The following SUSD3 variants were observed in gnomAD, a reference collection of about 807,000 sequenced individuals.
SUSD3 encodes the protein sushi domain-containing protein 3.
A neutral mutation model predicts 20.6 loss-of-function variants in SUSD3; 18 were observed. That is an observed-to-expected ratio of 0.87 (90% CI 0.60 to 1.30). The LOEUF (loss-of-function observed/expected upper bound fraction) is 1.30. Among genes scored for constraint, SUSD3 ranks in the 50% most tolerant of loss-of-function variants. The pLI is 0.00. For synonymous variants in SUSD3, 137 were observed against 141.5 expected, an observed-to-expected ratio of 0.97 and a Z score of 0.23; for missense variants, 306 against 346.9, an observed-to-expected ratio of 0.88 and a Z score of 0.94.
intron 4 of SUSD3, among the ~76,000 whole-genome samples, chr9:93,080,747 C>T (rs72741066): frequency 0.035 from 5,277 of 152,316 alleles, 124 homozygotes; most frequent in African/African-American, 0.064. Flanking sequence ...GTGGTCTCAG[C>T]GTGCAAGGCT....
intron 2 of SUSD3, among the ~76,000 whole-genome samples, chr9:93,076,612 C>T (rs1412207656): frequency 1.3e-5 from 2 of 152,224 alleles, no homozygotes; most frequent in African/African-American, 4.8e-5. Flanking sequence ...AATAGTTTGG[C>T]AGATTCTGGG....
At chr9:93,066,127 G>C (rs903513319) in intron 1 of SUSD3, among the ~76,000 whole-genome samples, 5 of 152,184 alleles carry the variant, frequency 3.3e-5, no homozygotes, top group African/African-American at 9.7e-5. Flanking sequence ...TCCCCACTCT[G>C]TGTACCGCCC....
chr9:93,077,183 G>A (rs1348802679), intron 2 of SUSD3, among the ~76,000 whole-genome samples: 2 of 152,160 alleles, frequency 1.3e-5, no homozygotes, highest in African/African-American at 4.8e-5. Flanking sequence ...ACTAGTTTTT[G>A]GAGCATAGCT....
In SUSD3 at chr9:93,079,515, C is replaced by T. The variant is rs181899524; in HGVS notation, c.470C>T (p.Thr157Met). 5.6e-5 allele frequency: 91 copies of T among 1,614,094 alleles called. 1 individual carries two copies. In the East Asian group the frequency reaches 1.2e-3, roughly 21 times the overall value. The change falls in exon 4 of 5, where the codon ACG becomes ATG. Residue 157 changes from threonine (T) to methionine (M), a missense_variant. By Grantham distance (81) the Thr-to-Met change is moderately conservative. Transcript: ENST00000375472. ...CAGCTGAAAGATGAGGACTTGGAGA[C>T]GGTGCAGGCCGCATACCTTGGCCTC... The part of the protein sequence containing the change: ...WSQLKDEDLE[T>M]VQAAYLGLKH...
At chr9:93,077,771 C>T (rs187782101) in intron 2 of SUSD3, 75 bp from the exon 3 acceptor site, 2 of 1,572,254 alleles carry the variant, frequency 1.3e-6, no homozygotes, top group East Asian at 2.2e-5. Context: ...CGTACCACCC[C>T]TGAGACCCCC....
intron 1 of SUSD3, among the ~76,000 whole-genome samples, chr9:93,070,129 C>T (rs1825856775): frequency 6.6e-6 from 1 of 152,116 alleles, no homozygotes; most frequent in Non-Finnish European, 1.5e-5. Context: ...TGATTTTTGT[C>T]ATTGGCTTAT....
At chr9:93,065,330 C>A (rs1825664185) in intron 1 of SUSD3, among the ~76,000 whole-genome samples, 1 of 152,192 alleles carries the variant, frequency 6.6e-6, no homozygotes, top group Admixed American at 6.5e-5. Flanking sequence ...TAATGAAGTT[C>A]TAGTTTTATT....
chr9:93,075,755 C>CCCCCCCCCCCCAA, intron 1 of SUSD3, 29 bp from the exon 2 acceptor site: 1 of 474,314 alleles, frequency 2.1e-6, no homozygotes, highest in Non-Finnish European at 3.5e-6. Context: ...CCCCCCCCCG[C>CCCCCCCCCCCCAA]CATGCCTCAT....
At chr9:93,066,899 G>A (rs1318650080) in intron 1 of SUSD3, among the ~76,000 whole-genome samples, 1 of 151,846 alleles carries the variant, frequency 6.6e-6, no homozygotes, top group African/African-American at 2.4e-5. Context: ...GTAGAGATGG[G>A]GTTTCACCGT....
chr9:93,084,474 A>C, intron 4 of SUSD3, 63 bp from the exon 5 acceptor site: 1 of 1,437,094 alleles, frequency 7.0e-7, no homozygotes, highest in Non-Finnish European at 9.3e-7. Flanking sequence ...CTGGGAAGGT[A>C]TGGAGTTGGG....
At chr9:93,074,616 CTTTTTTT>C (rs989411910) in intron 1 of SUSD3, among the ~76,000 whole-genome samples, 2 of 96,352 alleles carry the variant, frequency 2.1e-5, no homozygotes, top group South Asian at 3.7e-4. Flanking sequence ...GCAGCAGATT[CTTTTTTT>C]TTTTTTTTTT....
rs189311743 is a variant in SUSD3, at chr9:93,079,508, T to C, written c.463T>C (p.Leu155=). 1.2e-6 allele frequency: 2 copies of C among 1,614,146 alleles called. No homozygotes were observed. Among genetic ancestry groups the C allele is most frequent in the East Asian group, 2.2e-5 (1 of 44,888 alleles). Residue 155 remains leucine (L), a synonymous_variant, in exon 4 of 5, where the codon TTG becomes CTG. Coordinates refer to ENST00000375472, the MANE Select transcript of SUSD3 (RefSeq NM_145006.4). ...QLWSQLKDED[L]ETVQAAYLGL... Reference sequence around the variant, plus strand: ...GTGGTCCCAGCTGAAAGATGAGGACTTGGAGACGGTGCAGGCCGCATACCT... The same window carrying C: ...GTGGTCCCAGCTGAAAGATGAGGACCTGGAGACGGTGCAGGCCGCATACCT...
intron 2 of SUSD3, 74 bp from the exon 3 acceptor site, chr9:93,077,770 CCT>C (rs1305659847): frequency 1.3e-6 from 2 of 1,562,922 alleles, no homozygotes; most frequent in Non-Finnish European, 1.7e-6. Context: ...CCGTACCACC[CCT>C]GAGACCCCCA....
At chr9:93,067,343 G>A (rs749207220) in intron 1 of SUSD3, among the ~76,000 whole-genome samples, 13 of 152,200 alleles carry the variant, frequency 8.5e-5, no homozygotes, top group Non-Finnish European at 1.6e-4. Flanking sequence ...ACATTTAGGT[G>A]TTTCAGCTCT....
chr9:93,083,985 C>A (rs1297758661), intron 4 of SUSD3, among the ~76,000 whole-genome samples: 1 of 151,722 alleles, frequency 6.6e-6, no homozygotes, highest in Non-Finnish European at 1.5e-5. Context: ...TGTGTGGAGG[C>A]TGGAGATGGG....
At chr9:93,071,720 A>G (rs2118951525) in intron 1 of SUSD3, among the ~76,000 whole-genome samples, 1 of 152,306 alleles carries the variant, frequency 6.6e-6, no homozygotes, top group African/African-American at 2.4e-5. Context: ...CTATGCTCAC[A>G]CCTCATTGGC....
intron 4 of SUSD3, among the ~76,000 whole-genome samples, chr9:93,081,238 T>C (rs986472421): frequency 3.9e-5 from 6 of 152,264 alleles, no homozygotes; most frequent in African/African-American, 1.4e-4. Flanking sequence ...TGGCCACTGC[T>C]CTGGGAGCCC....
chr9:93,065,319 C>A (rs1336996942), intron 1 of SUSD3, among the ~76,000 whole-genome samples: 3 of 152,198 alleles, frequency 2.0e-5, no homozygotes, highest in African/African-American at 4.8e-5. Flanking sequence ...TCTCATTATT[C>A]TAATGAAGTT....
intron 1 of SUSD3, among the ~76,000 whole-genome samples, chr9:93,063,703 T>A (rs1420307558): frequency 6.6e-6 from 1 of 152,082 alleles, no homozygotes; most frequent in Non-Finnish European, 1.5e-5. Context: ...GGACTCACCC[T>A]ACCCTCCCTC....
Sources: allele counts gnomAD v4.1 joint callset (sites outside exome capture counted in the v4.1 genomes callset), GRCh38; gene constraint gnomAD v4.1.1; transcripts MANE v1.5; gene names NCBI Gene and HGNC (gene_info 2026-07-23, HGNC 2026-07-21).